PHKG2: variants seen among roughly 807,000 people sequenced by gnomAD.
PHKG2 encodes phosphorylase kinase catalytic subunit gamma 2, also known as phosphorylase b kinase gamma catalytic chain, liver/testis isoform.
A neutral mutation model predicts 44.5 loss-of-function variants in PHKG2; 28 were observed. The observed-to-expected ratio is 0.63, with a 90% confidence interval of 0.47 to 0.86. The LOEUF is 0.86. Among genes scored for constraint, PHKG2 ranks in the 40% least tolerant of loss-of-function variants. The pLI, the probability that PHKG2 is intolerant of heterozygous loss-of-function variation, is 0.00. For synonymous variants in PHKG2, 220 were observed against 211.2 expected (o/e 1.04, Z -0.36); for missense variants, 498 against 547.5 (o/e 0.91, Z 0.90).
rs1273144868 is a variant in PHKG2 at position 30,753,217 on chromosome 16, C to T, written c.327-15C>T. 1.2e-6 allele frequency: 2 copies of T among 1,609,880 alleles called. No homozygotes were observed. Among genetic ancestry groups the T allele is most frequent in the Non-Finnish European group, 1.7e-6 (2 of 1,176,208 alleles). ...TGTGGGATGCAGCTGCCTCCTATGC[C>T]CCTCCTTCCCTTAGGATGCGGAAGG... On this transcript the variant is annotated splice_polypyrimidine_tract_variant and intron_variant, in intron 4 of 9. Coordinates refer to ENST00000563588, the MANE Select transcript of PHKG2 (RefSeq NM_000294.3).
At position 30,753,409 on chromosome 16, in the gene PHKG2, T is replaced by A; in HGVS notation, c.408T>A (p.Ser136=). The part of the protein sequence containing the change: ...SEKETRSIMR[S]LLEAVSFLHA... ...CTTCCCCCAGGTCCATCATGCGGTC[T>A]CTGCTGGAAGCAGTGAGCTTTCTCC... The change falls in exon 6 of 10, where the codon TCT becomes TCA. Residue 136 remains serine, a synonymous_variant. Transcript: ENST00000563588. 1 of 1,614,206 alleles carries A rather than the reference T, an allele frequency of 6.2e-7. No individual in the cohort carries two copies. The highest frequency in any genetic ancestry group is 1.6e-4 in the Middle Eastern group (1 of 6,062).
chr16:30,756,971 G>C lies in PHKG2; in HGVS notation c.1095G>C (p.Gly365=). The part of the protein sequence containing the change: ...FRLYGHWVKK[G]EQQNRAALFQ... Reference sequence around the variant, plus strand: ...TCTACGGGCACTGGGTAAAGAAAGGGGAGCAGCAGAACCGGGCGGCTCTCT... The same window carrying C: ...TCTACGGGCACTGGGTAAAGAAAGGCGAGCAGCAGAACCGGGCGGCTCTCT... Residue 365 remains glycine (G), a synonymous_variant, in exon 10 of 10, where the codon GGG becomes GGC. Coordinates refer to ENST00000563588, the MANE Select transcript of PHKG2 (RefSeq NM_000294.3). 3.1e-6 allele frequency: 5 copies of C among 1,612,966 alleles called. No individual in the cohort carries two copies. Among genetic ancestry groups the C allele is most frequent in the Non-Finnish European group, 3.4e-6 (4 of 1,180,028 alleles).
chr16:30,755,093 T>C, intron 6 of PHKG2: 1 of 355,614 alleles, frequency 2.8e-6, no homozygotes, highest in Non-Finnish European at 5.7e-6. Flanking sequence ...AATACAGACT[T>C]GAGCCAAGCG....
In PHKG2 at chr16:30,759,454, G is replaced by A. The variant is rs148722707; in HGVS notation, c.*2357G>A. 3.8e-5 allele frequency: 62 copies of A among 1,614,136 alleles called. No individual in the cohort carries two copies. Among genetic ancestry groups the A allele is most frequent in the Non-Finnish European group, 5.2e-5 (61 of 1,180,062 alleles). On this transcript the variant is annotated 3_prime_UTR_variant, in exon 10 of 10. Coordinates refer to ENST00000563588, the MANE Select transcript of PHKG2 (RefSeq NM_000294.3). ...TTTGAAGAGGTCGATGCTGAAAGGA[G>A]GCCGCTGTGGTGGTGACTCGGAATT...
chr16:30,760,980 G>T lies in PHKG2; in HGVS notation c.*3883G>T. ...GTACAATACTCCTTAGCGGCCATGA[G>T]ACTCCATTTACATTCTGTCTTTGGC... is the stretch of plus-strand genomic sequence containing the variant. On this transcript the variant is annotated 3_prime_UTR_variant, in exon 10 of 10. Coordinates refer to ENST00000563588, the MANE Select transcript of PHKG2 (RefSeq NM_000294.3). 1 of 619,634 alleles carries T rather than the reference G, an allele frequency of 1.6e-6. No homozygotes were observed. Among genetic ancestry groups the T allele is most frequent in the Non-Finnish European group, 2.8e-6 (1 of 354,426 alleles). 38.4% of individuals were successfully genotyped at this position (619,634 alleles called of 1,614,324 possible).
chr16:30,756,291 C>A lies in PHKG2; in HGVS notation c.647+19C>A, dbSNP rs1366737257. Reference sequence around the variant, plus strand: ...TCGACCTGTGAGTTCCTGGTCTCCCCCTCCCTCCCGTGCTTGCTGTCCTTT... The same window carrying A: ...TCGACCTGTGAGTTCCTGGTCTCCCACTCCCTCCCGTGCTTGCTGTCCTTT... On this transcript the variant is annotated intron_variant, in intron 7 of 9. Coordinates refer to ENST00000563588, the MANE Select transcript of PHKG2 (RefSeq NM_000294.3). 1 of 1,613,834 alleles carries A rather than the reference C, an allele frequency of 6.2e-7. No homozygotes were observed. The highest frequency in any genetic ancestry group is 1.7e-5 in the Admixed American group (1 of 60,006).
intron 6 of PHKG2, among the ~76,000 whole-genome samples, chr16:30,755,850 A>G (rs911040457): frequency 1.3e-4 from 20 of 152,098 alleles, no homozygotes; most frequent in African/African-American, 4.1e-4. Flanking sequence ...GCATTATGAT[A>G]TATATAAAAC....
chr16:30,758,463 T>G lies in PHKG2; in HGVS notation c.*1366T>G, dbSNP rs2053523387. The G allele has an allele frequency of 6.0e-6, 1 of 167,686 alleles. No individual in the cohort carries two copies. Among genetic ancestry groups the G allele is most frequent in the Non-Finnish European group, 1.3e-5 (1 of 76,578 alleles). 10.4% of individuals were successfully genotyped at this position (167,686 alleles called of 1,614,324 possible). A position where few individuals can be genotyped will look rare whatever the true frequency, so the allele number is the denominator to read the frequency against. On this transcript the variant is annotated 3_prime_UTR_variant, in exon 10 of 10. Transcript: ENST00000563588. ...GTATACATGGGCCATGGTGGTTTGCTTTACCCATCAACCCATCATATAGGT... is the reference window on the plus strand; with the variant it reads ...GTATACATGGGCCATGGTGGTTTGCGTTACCCATCAACCCATCATATAGGT...
chr16:30,756,189 T>TGGGACC lies in PHKG2; in HGVS notation c.565_570dup (p.Gly189_Thr190dup). The stretch of plus-strand genomic sequence containing the variant: ...TTGGTCCTCTCTCCCCAGAGTTGTG[T>TGGGACC]GGGACCCCAGGGTATCTAGCGCCAG... On this transcript the variant is annotated inframe_insertion, in exon 7 of 10. Transcript: ENST00000563588. 6.2e-7 allele frequency: 1 copy of TGGGACC among 1,613,764 alleles called. No individual in the cohort carries two copies. Among genetic ancestry groups the TGGGACC allele is most frequent in the Non-Finnish European group, 8.5e-7 (1 of 1,179,668 alleles).
At position 30,757,518 on chromosome 16, in the gene PHKG2, G is replaced by A. The variant is rs2053457733; in HGVS notation, c.*421G>A. The A allele has an allele frequency of 6.2e-7, 1 of 1,614,200 alleles. No individual in the cohort carries two copies. Among genetic ancestry groups the A allele is most frequent in the Non-Finnish European group, 8.5e-7 (1 of 1,180,022 alleles). ...TGCCTTTACCCGGAGGTAGCTGGAA[G>A]GGCCGCTCTAGTGCAGTCAACTTGC... is the stretch of plus-strand genomic sequence containing the variant. On this transcript the variant is annotated 3_prime_UTR_variant, in exon 10 of 10. Coordinates refer to ENST00000563588, the MANE Select transcript of PHKG2 (RefSeq NM_000294.3).
At position 30,753,246 on chromosome 16, in the gene PHKG2, A is replaced by G; in HGVS notation, c.341A>G (p.Glu114Gly). The change falls in exon 5 of 10, where the codon GAG (glutamate) becomes GGG (glycine). Residue 114 changes from glutamate (E) to glycine (G), a missense_variant. Transcript: ENST00000563588. ...CCTTCCCTTAGGATGCGGAAGGGAG[A>G]GCTGTTTGACTATCTCACAGAGAAG... ...FLVFDLMRKG[E>G]LFDYLTEKVA... is the part of the protein sequence containing the mutation. The G allele has an allele frequency of 6.2e-7, 1 of 1,613,794 alleles. No individual in the cohort carries two copies. The highest frequency in any genetic ancestry group is 1.1e-5 in the South Asian group (1 of 91,054).
intron 2 of PHKG2, among the ~76,000 whole-genome samples, chr16:30,749,351 T>G (rs1039573251): frequency 3.3e-5 from 5 of 152,096 alleles, no homozygotes; most frequent in African/African-American, 1.2e-4. Context: ...TTTGTTTGTT[T>G]GTTTGTTTGT....
chr16:30,755,796 C>T lies in PHKG2; in HGVS notation c.557-386C>T, dbSNP rs373614162. ...TAGGAATGCAGAAAATTTTTTTTTG[C>T]GTATGTATTATGATGTATGTAAAAA... On this transcript the variant is annotated intron_variant, in intron 6 of 9. Coordinates refer to ENST00000563588, the MANE Select transcript of PHKG2 (RefSeq NM_000294.3). Among the ~76,000 whole-genome samples, 197 of 151,802 alleles carry T rather than the reference C, an allele frequency of 1.3e-3. 7 individuals are homozygous for T. Among genetic ancestry groups the T allele is most frequent in the African/African-American group, 4.3e-3 (177 of 41,412 alleles).
chr16:30,754,311 G>T (rs2053388969), intron 6 of PHKG2, among the ~76,000 whole-genome samples: 1 of 151,920 alleles, frequency 6.6e-6, no homozygotes, highest in Admixed American at 6.6e-5. Flanking sequence ...GATTACAGGT[G>T]CCCACCACTA....
chr16:30,751,411 G>T (rs982179665), intron 3 of PHKG2, 130 bp downstream of exon 3: 1 of 1,300,088 alleles, frequency 7.7e-7, no homozygotes, highest in Non-Finnish European at 1.1e-6. Context: ...GTGGCCATCC[G>T]TTGGGCGCCC....
intron 2 of PHKG2, among the ~76,000 whole-genome samples, chr16:30,749,318 C>T (rs1014542323): frequency 2.0e-5 from 3 of 151,332 alleles, no homozygotes; most frequent in South Asian, 2.1e-4. Context: ...CAGGTTTTCT[C>T]AGGAGAAGAC....
At chr16:30,749,432 C>T (rs565072302) in intron 2 of PHKG2, among the ~76,000 whole-genome samples, 9 of 152,326 alleles carry the variant, frequency 5.9e-5, no homozygotes, top group African/African-American at 2.2e-4. Flanking sequence ...ACTACAACCT[C>T]TGCCTCCTGG....
intron 1 of PHKG2, 134 bp downstream of exon 1, chr16:30,748,624 T>A: frequency 2.8e-5 from 14 of 492,286 alleles, no homozygotes; most frequent in East Asian, 3.6e-5. Context: ...TGCCCTGCCA[T>A]CCTCCCGCCC....
intron 1 of PHKG2, 31 bp downstream of exon 1, chr16:30,748,521 C>T (rs1197441573): frequency 8.0e-6 from 4 of 499,780 alleles, no homozygotes; most frequent in Non-Finnish European, 1.4e-5. Flanking sequence ...CGTCCCCTTC[C>T]TGCGCCCGCC....
Sources: gnomAD v4.1 joint callset for allele counts (sites outside exome capture counted in the v4.1 genomes callset) on GRCh38, gnomAD v4.1.1 for gene constraint, MANE v1.5 for transcripts, NCBI Gene and HGNC (gene_info 2026-07-23, HGNC 2026-07-21) for gene names.